Variants in FAM3C observed in about 807,000 individuals in gnomAD.
FAM3C encodes FAM3 metabolism regulating signaling molecule C, also known as protein FAM3C.
A neutral mutation model predicts 32.5 loss-of-function variants in FAM3C; 15 were observed. The ratio of observed to expected loss-of-function variants is 0.46; its 90% confidence interval spans 0.31 to 0.71. FAM3C has a LOEUF of 0.71. FAM3C is among the 30% of genes least tolerant of loss of function. The pLI is 0.05. For missense variants in FAM3C, 175 were observed against 274.4 expected, an observed-to-expected ratio of 0.64 and a Z score of 2.56; for synonymous variants, 75 against 86.1, an observed-to-expected ratio of 0.87 and a Z score of 0.72.
rs1417916007 is a variant in FAM3C, at chr7:121,390,861, G to C, written c.-42+5301C>G. Reference sequence around the variant, plus strand: ...GGAAAGGCTGTGTGGGGCGGGGGGGGGGGGGGGGGGGAAGGTAAGGCAGAT... The same window carrying C: ...GGAAAGGCTGTGTGGGGCGGGGGGGCGGGGGGGGGGGAAGGTAAGGCAGAT... On this transcript the variant is annotated intron_variant, in intron 1 of 9. Transcript: ENST00000359943. Among the ~76,000 whole-genome samples the C allele has an allele frequency of 5.9e-5, 2 of 33,896 alleles. 1 individual carries two copies. Among genetic ancestry groups the C allele is most frequent in the Non-Finnish European group, 3.0e-4 (2 of 6,692 alleles). The allele number at this position is 33,896 out of a possible 152,430, so 22.2% of individuals were successfully genotyped here.
In FAM3C at chr7:121,382,941, A is replaced by G. The variant is rs370846069; in HGVS notation, c.13+16T>C. The stretch of plus-strand genomic sequence containing the variant: ...CACAAAAAGTACAATTACTTCTACT[A>G]AATTAAATATCTTACCTGCTACCCT... On this transcript the variant is annotated intron_variant, in intron 2 of 9. Coordinates refer to ENST00000359943, the MANE Select transcript of FAM3C (RefSeq NM_014888.3). 6 of 1,584,988 alleles carry G rather than the reference A, an allele frequency of 3.8e-6. No homozygotes were observed. The African/African-American group carries it at 8.1e-5, about 21-fold the overall frequency.
chr7:121,372,022 A>T lies in FAM3C; in HGVS notation c.148+88T>A, dbSNP rs73440245. On this transcript the variant is annotated intron_variant, in intron 4 of 9. Coordinates refer to ENST00000359943, the MANE Select transcript of FAM3C (RefSeq NM_014888.3). ...GCAATTTCTAAAGCAGTTTTTCCTC[A>T]TACTGAACTACTGACACTTTGAATA... is the stretch of plus-strand genomic sequence containing the variant. The T allele has an allele frequency of 7.5e-6, 7 of 932,054 alleles. No individual in the cohort carries two copies. The African/African-American group carries it at 1.2e-4, about 16-fold the overall frequency. The allele number at this position is 932,054 out of a possible 1,614,324, so 57.7% of individuals were successfully genotyped here.
chr7:121,392,807 C>T (rs938614515), intron 1 of FAM3C, among the ~76,000 whole-genome samples: 19 of 151,912 alleles, frequency 1.3e-4, no homozygotes, highest in South Asian at 4.2e-4. Flanking sequence ...TACGTATCAA[C>T]GAAATGATAT....
At chr7:121,382,834 T>G in intron 2 of FAM3C, 123 bp downstream of exon 2, 1 of 699,118 alleles carries the variant, frequency 1.4e-6, no homozygotes. Flanking sequence ...AAGGGCTGAA[T>G]GATTTAGTTT....
chr7:121,363,988 A>AT (rs1793975262), intron 6 of FAM3C, 142 bp downstream of exon 6: 2 of 586,436 alleles, frequency 3.4e-6, no homozygotes, highest in Admixed American at 3.4e-5. Context: ...CCACCCATAG[A>AT]TTTTTTGCAG....
intron 1 of FAM3C, among the ~76,000 whole-genome samples, chr7:121,386,285 A>G (rs1372513716): frequency 6.6e-6 from 1 of 152,186 alleles, no homozygotes; most frequent in Non-Finnish European, 1.5e-5. Flanking sequence ...TAGAGAAACT[A>G]TCATTCAATT....
At chr7:121,387,412 A>G (rs373906697) in intron 1 of FAM3C, among the ~76,000 whole-genome samples, 32 of 152,294 alleles carry the variant, frequency 2.1e-4, no homozygotes, top group African/African-American at 7.5e-4. Context: ...CATGGCTTTG[A>G]CAGGTCCTCT....
At chr7:121,384,321 G>T (rs1487508065) in intron 1 of FAM3C, among the ~76,000 whole-genome samples, 1 of 152,106 alleles carries the variant, frequency 6.6e-6, no homozygotes, top group Non-Finnish European at 1.5e-5. Context: ...AAGGAAACAA[G>T]ATACTGAAGT....
chr7:121,385,849 T>C (rs1256362143), intron 1 of FAM3C, among the ~76,000 whole-genome samples: 2 of 152,194 alleles, frequency 1.3e-5, no homozygotes, highest in Non-Finnish European at 2.9e-5. Flanking sequence ...CACACACCCT[T>C]ATTTTATGTA....
rs1404834405 is a variant in FAM3C at position 121,349,433 on chromosome 7, C to G, written c.*1028G>C. ...AATTGGGTATAAAGTCATTTGGGGT[C>G]AAACACAATTATTTTTTAAATGTTA... On this transcript the variant is annotated 3_prime_UTR_variant, in exon 10 of 10. Transcript: ENST00000359943. The G allele has an allele frequency of 4.6e-5, 7 of 152,080 alleles. No homozygotes were observed. Among genetic ancestry groups the G allele is most frequent in the Non-Finnish European group, 8.8e-5 (6 of 68,012 alleles). The allele number at this position is 152,080 out of a possible 1,614,324, so 9.4% of individuals were successfully genotyped here.
chr7:121,389,033 T>C (rs1179241685), intron 1 of FAM3C, among the ~76,000 whole-genome samples: 1 of 152,100 alleles, frequency 6.6e-6, no homozygotes, highest in Non-Finnish European at 1.5e-5. Flanking sequence ...AAGAATGAAA[T>C]TGGTAAAATA....
At chr7:121,378,885 A>C (rs752403094) in intron 3 of FAM3C, 25 bp downstream of exon 3, 24 of 1,297,414 alleles carry the variant, frequency 1.8e-5, no homozygotes, top group Non-Finnish European at 2.3e-5. Flanking sequence ...AATAAGATTT[A>C]AGAAAGGAAA....
At chr7:121,362,831 C>T in intron 7 of FAM3C, 66 bp downstream of exon 7, 1 of 818,236 alleles carries the variant, frequency 1.2e-6, no homozygotes, top group Non-Finnish European at 2.1e-6. Context: ...CATTAATGGG[C>T]TACATTGTAT....
intron 8 of FAM3C, 49 bp from the exon 9 acceptor site, chr7:121,351,318 G>A (rs1793702000): frequency 1.3e-6 from 2 of 1,519,626 alleles, no homozygotes; most frequent in South Asian, 1.3e-5. Flanking sequence ...GGAACTGTAT[G>A]CTAATACTGG....
At chr7:121,358,103 G>A (rs1332180304) in intron 8 of FAM3C, among the ~76,000 whole-genome samples, 2 of 152,106 alleles carry the variant, frequency 1.3e-5, no homozygotes, top group Non-Finnish European at 2.9e-5. Flanking sequence ...GAAAATGCTT[G>A]AATAGGCGAG....
chr7:121,392,010 G>A (rs1040101621), intron 1 of FAM3C, among the ~76,000 whole-genome samples: 1 of 152,132 alleles, frequency 6.6e-6, no homozygotes, highest in African/African-American at 2.4e-5. Context: ...CAACACGACA[G>A]ACCAAATAAA....
At chr7:121,391,294 C>T (rs1283958624) in intron 1 of FAM3C, among the ~76,000 whole-genome samples, 3 of 152,096 alleles carry the variant, frequency 2.0e-5, no homozygotes, top group South Asian at 4.1e-4. Context: ...ATCTAAGCTA[C>T]CTTAATCCTA....
At chr7:121,361,318 G>A (rs940233736) in intron 7 of FAM3C, among the ~76,000 whole-genome samples, 4 of 152,098 alleles carry the variant, frequency 2.6e-5, no homozygotes, top group African/African-American at 9.7e-5. Flanking sequence ...AAAGATTTTC[G>A]ATAACTGATT....
At chr7:121,394,114 G>C (rs148731456) in intron 1 of FAM3C, among the ~76,000 whole-genome samples, 108 of 152,326 alleles carry the variant, frequency 7.1e-4, no homozygotes, top group African/African-American at 2.2e-3. Flanking sequence ...CTTATTCATA[G>C]TATCCATGAT....
Sources: gnomAD v4.1 joint callset for allele counts (sites outside exome capture counted in the v4.1 genomes callset) on GRCh38, gnomAD v4.1.1 for gene constraint, MANE v1.5 for transcripts, NCBI Gene and HGNC (gene_info 2026-07-23, HGNC 2026-07-21) for gene names.